The following FARS2 variants were observed in gnomAD, a reference collection of about 807,000 sequenced individuals.
FARS2 encodes phenylalanine--tRNA ligase, mitochondrial.
In FARS2, 40 loss-of-function variants were observed where a neutral mutation model predicts 46.4. The observed-to-expected ratio is 0.86, with a 90% CI of 0.67 to 1.12. The LOEUF is 1.12. FARS2 is among the 50% of genes most tolerant of loss of function. FARS2 has a pLI of 0.00. For missense variants in FARS2, 513 were observed against 567.9 expected, an observed-to-expected ratio of 0.90 and a Z score of 0.98; for synonymous variants, 234 against 214.9, an observed-to-expected ratio of 1.09 and a Z score of -0.78.
At chr6:5,762,655 G>A (rs1001813435) in intron 6 of FARS2, among the ~76,000 whole-genome samples, 10 of 152,228 alleles carry the variant, frequency 6.6e-5, no homozygotes, top group Admixed American at 3.9e-4. Context: ...TTACGTTGCC[G>A]ACGTGTGCTG....
At chr6:5,387,714 A>G (rs6906308) in intron 2 of FARS2, among the ~76,000 whole-genome samples, 101,173 of 151,974 alleles carry the variant, frequency 0.67, 34,288 homozygotes, top group African/African-American at 0.78. Flanking sequence ...TCTCTGCTCC[A>G]GAGGTCGTGA....
intron 4 of FARS2, among the ~76,000 whole-genome samples, chr6:5,440,036 T>C (rs1238432669): frequency 1.3e-5 from 2 of 152,324 alleles, no homozygotes; most frequent in Non-Finnish European, 2.9e-5. Context: ...TTACTTAGCC[T>C]TTTTCCCTTT....
At chr6:5,597,611 G>T (rs9378970) in intron 5 of FARS2, among the ~76,000 whole-genome samples, 2 of 151,766 alleles carry the variant, frequency 1.3e-5, no homozygotes, top group African/African-American at 2.4e-5. Flanking sequence ...GGCATTGCAG[G>T]GACCCGCTGT....
intron 1 of FARS2, among the ~76,000 whole-genome samples, chr6:5,328,991 G>GAAGT (rs1770596909): frequency 6.6e-6 from 1 of 152,136 alleles, no homozygotes; most frequent in African/African-American, 2.4e-5. Context: ...TCGAGGGAGT[G>GAAGT]AAGTGTCTTA....
chr6:5,276,895 C>A (rs921521527), intron 1 of FARS2, among the ~76,000 whole-genome samples: 10 of 152,222 alleles, frequency 6.6e-5, no homozygotes, highest in African/African-American at 2.2e-4. Flanking sequence ...ATAAATCAGG[C>A]AGCACAGGAG....
intron 3 of FARS2, among the ~76,000 whole-genome samples, chr6:5,421,492 A>G (rs1762547653): frequency 1.3e-5 from 2 of 152,174 alleles, no homozygotes; most frequent in South Asian, 4.1e-4. Flanking sequence ...CTCCTCAGAA[A>G]ATGGGATTTT....
chr6:5,420,576 G>T (rs1189420441), intron 3 of FARS2, among the ~76,000 whole-genome samples: 1 of 152,162 alleles, frequency 6.6e-6, no homozygotes, highest in African/African-American at 2.4e-5. Context: ...ATCCAGTGGG[G>T]CAGTAAAATC....
intron 6 of FARS2, among the ~76,000 whole-genome samples, chr6:5,618,169 G>A (rs996419883): frequency 6.6e-6 from 1 of 152,288 alleles, no homozygotes; most frequent in Admixed American, 6.5e-5. Flanking sequence ...TGGGCTGTAG[G>A]TTGCTAACCC....
chr6:5,528,012 G>C (rs1019683520), intron 4 of FARS2, among the ~76,000 whole-genome samples: 1 of 152,134 alleles, frequency 6.6e-6, no homozygotes, highest in Non-Finnish European at 1.5e-5. Context: ...ATGCAAGTCA[G>C]TATATTTAGC....
chr6:5,610,932 A>G (rs974402728), intron 5 of FARS2, among the ~76,000 whole-genome samples: 1 of 152,210 alleles, frequency 6.6e-6, no homozygotes, highest in African/African-American at 2.4e-5. Context: ...TCACGCAGTT[A>G]GAAGAGAAAA....
the FARS2 span, among the ~76,000 whole-genome samples, chr6:5,255,404 A>G: frequency 6.6e-6 from 1 of 152,198 alleles, no homozygotes; most frequent in Non-Finnish European, 1.5e-5. Flanking sequence ...CAAACTATCA[A>G]TCTGCTGATT....
At chr6:5,356,441 A>T (rs1757933728) in intron 1 of FARS2, among the ~76,000 whole-genome samples, 1 of 152,156 alleles carries the variant, frequency 6.6e-6, no homozygotes, top group African/African-American at 2.4e-5. Flanking sequence ...ACAGAGCGAG[A>T]CTCTGTCAAA....
In FARS2 at chr6:5,261,612, A is replaced by T. The variant is rs2753246; in HGVS notation, c.-70A>T. On this transcript the variant is annotated 5_prime_UTR_variant, in exon 1 of 7. Transcript: ENST00000274680. ...CCGTGAGAGCGAACGAGCCTGCCGT[A>T]CTTCTGATTTTGAAACACCTGGGTC... 1 of 152,102 alleles carries T rather than the reference A, an allele frequency of 6.6e-6. No homozygotes were observed. The highest frequency in any genetic ancestry group is 2.1e-4 in the South Asian group (1 of 4,848). The allele number at this position is 152,102 out of a possible 1,614,324, so 9.4% of individuals were successfully genotyped here.
At chr6:5,532,922 A>G (rs1222744193) in intron 4 of FARS2, among the ~76,000 whole-genome samples, 1 of 152,220 alleles carries the variant, frequency 6.6e-6, no homozygotes, top group Non-Finnish European at 1.5e-5. Context: ...AAGGAAGGAA[A>G]AATATACTTA....
intron 1 of FARS2, among the ~76,000 whole-genome samples, chr6:5,336,456 A>G (rs747346652): frequency 1.3e-5 from 2 of 152,076 alleles, no homozygotes; most frequent in African/African-American, 2.4e-5. Context: ...ACCTATGGTC[A>G]GATAACCTAT....
intron 4 of FARS2, among the ~76,000 whole-genome samples, chr6:5,458,837 A>G (rs954334292): frequency 6.6e-6 from 1 of 152,186 alleles, no homozygotes; most frequent in African/African-American, 2.4e-5. Context: ...GAAGAATGAA[A>G]TTTTGCCAGG....
chr6:5,337,587 T>C (rs1224476730), intron 1 of FARS2, among the ~76,000 whole-genome samples: 1 of 152,242 alleles, frequency 6.6e-6, no homozygotes, highest in African/African-American at 2.4e-5. Flanking sequence ...CATTATTCGC[T>C]ATTTACTGTT....
Position 5,281,138 on chromosome 6 carries a change from A to G in FARS2, c.-22+19478A>G, listed in dbSNP as rs1040952666. Among the ~76,000 whole-genome samples, 4 of 152,218 alleles carry G rather than the reference A, an allele frequency of 2.6e-5. No individual in the cohort carries two copies. The East Asian group carries it at 5.8e-4, about 22-fold the overall frequency. ...TATGCAACTGTTGTCTTATGACTAC[A>G]TAGCATGTATTGGTCATAGAGTCTA... is the stretch of plus-strand genomic sequence containing the variant. On this transcript the variant is annotated intron_variant, in intron 1 of 6. Transcript: ENST00000274680.
intron 1 of FARS2, among the ~76,000 whole-genome samples, chr6:5,359,029 C>CTT (rs764897456): frequency 0.047 from 3,402 of 72,520 alleles, 1,037 homozygotes; most frequent in African/African-American, 0.12. Context: ...GAAAAGATAC[C>CTT]CTTTTTTTTT....
Sources: gnomAD v4.1 joint callset for allele counts (sites outside exome capture counted in the v4.1 genomes callset) on GRCh38, gnomAD v4.1.1 for gene constraint, MANE v1.5 for transcripts, NCBI Gene and HGNC (gene_info 2026-07-23, HGNC 2026-07-21) for gene names.